Variants in KPNB1 observed in about 807,000 individuals in gnomAD.
KPNB1 encodes karyopherin subunit beta 1, also known as importin subunit beta-1.
In KPNB1, 7 loss-of-function variants were observed where a neutral mutation model predicts 113.0. That is an observed-to-expected ratio of 0.06 (90% CI 0.04 to 0.12). The LOEUF (loss-of-function observed/expected upper bound fraction) is 0.12. Ranked by LOEUF, KPNB1 falls within the 10% of genes least tolerant of loss-of-function variation. The pLI is 1.00. For missense variants in KPNB1, 400 were observed against 1,054.8 expected (o/e 0.38, Z 8.60); for synonymous variants, 363 against 378.6 (o/e 0.96, Z 0.48).
chr17:47,667,074 T>TA (rs1312120232), intron 9 of KPNB1, among the ~76,000 whole-genome samples: 1 of 152,174 alleles, frequency 6.6e-6, no homozygotes, highest in Admixed American at 6.5e-5. Flanking sequence ...TAAGAGGAGA[T>TA]ATTAGTGGAA....
intron 3 of KPNB1, among the ~76,000 whole-genome samples, chr17:47,655,036 G>A (rs1915680985): frequency 6.6e-6 from 1 of 152,190 alleles, no homozygotes; most frequent in Admixed American, 6.5e-5. Flanking sequence ...TACCGTATAA[G>A]AAGGAAAGGG....
At chr17:47,671,140 C>G (rs1012306908) in intron 12 of KPNB1, among the ~76,000 whole-genome samples, 8 of 152,128 alleles carry the variant, frequency 5.3e-5, no homozygotes, top group Non-Finnish European at 1.2e-4. Context: ...GCCTGTAGTC[C>G]TAGCTACTTG....
chr17:47,655,389 A>C (rs1164049684), intron 3 of KPNB1, among the ~76,000 whole-genome samples: 1 of 152,214 alleles, frequency 6.6e-6, no homozygotes, highest in African/African-American at 2.4e-5. Context: ...TCTGTCAGTG[A>C]TAGAACAGTT....
At chr17:47,679,987 G>A (rs144626647) in intron 19 of KPNB1, 33 bp from the exon 20 acceptor site, 11 of 1,466,876 alleles carry the variant, frequency 7.5e-6, no homozygotes, top group South Asian at 4.5e-5. Context: ...ATGAGCCACC[G>A]CACCCGACCA....
intron 9 of KPNB1, among the ~76,000 whole-genome samples, chr17:47,667,714 C>T (rs1254850616): frequency 6.6e-6 from 1 of 151,636 alleles, no homozygotes; most frequent in Non-Finnish European, 1.5e-5. Flanking sequence ...CGTGCCACCA[C>T]ACCCAGCTAA....
intron 5 of KPNB1, 83 bp downstream of exon 5, chr17:47,658,743 AG>A: frequency 7.8e-7 from 1 of 1,287,382 alleles, no homozygotes. Context: ...TGTTTTCTTA[AG>A]TTTATGGTTT....
Position 47,683,116 on chromosome 17 carries a change from A to AAAAAAAC in KPNB1, c.*715_*716insAAACAAA. ...AAAAAAAAAAAAAAAAAAAAAAAAA[A>AAAAAAAC]AAACACACACACAGAGGAAAGACGC... On this transcript the variant is annotated 3_prime_UTR_variant, in exon 22 of 22. Coordinates refer to ENST00000290158, the MANE Select transcript of KPNB1 (RefSeq NM_002265.6). The AAAAAAAC allele has an allele frequency of 6.8e-6, 1 of 147,804 alleles. No individual in the cohort carries two copies. The highest frequency in any genetic ancestry group is 2.5e-5 in the African/African-American group (1 of 40,482). The allele number at this position is 147,804 out of a possible 1,614,324, so 9.2% of individuals were successfully genotyped here.
At chr17:47,664,984 C>T (rs750863226) in intron 8 of KPNB1, 73 bp from the exon 9 acceptor site, 13 of 997,098 alleles carry the variant, frequency 1.3e-5, no homozygotes, top group South Asian at 2.6e-5. Flanking sequence ...GATCCCTGTT[C>T]GGCTCTCATT....
chr17:47,680,720 G>A, intron 21 of KPNB1, 51 bp downstream of exon 21: 3 of 1,563,908 alleles, frequency 1.9e-6, no homozygotes, highest in South Asian at 1.2e-5. Context: ...GGAGGAGGGG[G>A]GTATGTTTTC....
In KPNB1 at chr17:47,684,005, C is replaced by G. The variant is rs1310141317; in HGVS notation, c.*1601C>G. 1 of 152,114 alleles carries G rather than the reference C, an allele frequency of 6.6e-6. No individual in the cohort carries two copies. Among genetic ancestry groups the G allele is most frequent in the African/African-American group, 2.4e-5 (1 of 41,420 alleles). 9.4% of individuals were successfully genotyped at this position (152,114 alleles called of 1,614,324 possible). A position where few individuals can be genotyped will look rare whatever the true frequency, so the allele number is the denominator to read the frequency against. On this transcript the variant is annotated 3_prime_UTR_variant, in exon 22 of 22. Coordinates refer to ENST00000290158, the MANE Select transcript of KPNB1 (RefSeq NM_002265.6). Reference sequence around the variant, plus strand: ...AGGGATGTTGGTGAGCTTTGATCCTCTTTTGGTTTTGCAGTTGTTAGGAGT... The same window carrying G: ...AGGGATGTTGGTGAGCTTTGATCCTGTTTTGGTTTTGCAGTTGTTAGGAGT...
intron 11 of KPNB1, 69 bp downstream of exon 11, chr17:47,669,938 G>A: frequency 8.5e-7 from 1 of 1,171,232 alleles, no homozygotes; most frequent in Non-Finnish European, 1.3e-6. Flanking sequence ...AGAAGGTGTG[G>A]GAGAGAAATC....
intron 10 of KPNB1, 96 bp from the exon 11 acceptor site, chr17:47,669,582 G>A: frequency 1.2e-6 from 1 of 865,736 alleles, no homozygotes; most frequent in Non-Finnish European, 1.8e-6. Context: ...TGACTTTTTT[G>A]AGTTAAGCCA....
rs748387240 is a variant in KPNB1 at position 47,680,013 on chromosome 17, T to C, written c.2354-7T>C. On this transcript the variant is annotated splice_region_variant and splice_polypyrimidine_tract_variant and intron_variant, in intron 19 of 21. Transcript: ENST00000290158. ...CACCCGACCAATACCTTCTCTCTCT[T>C]TTATAGCGGATGTGATGCTGGTACA... 8 of 1,596,100 alleles carry C rather than the reference T, an allele frequency of 5.0e-6. No homozygotes were observed. The Admixed American group carries it at 1.0e-4, about 20-fold the overall frequency.
rs188607830 is a variant in KPNB1 at position 47,670,137 on chromosome 17, T to C, written c.1416+268T>C. On this transcript the variant is annotated intron_variant, in intron 11 of 21. Coordinates refer to ENST00000290158, the MANE Select transcript of KPNB1 (RefSeq NM_002265.6). ...GACTTGGGTTGCTTTCTTGAATTGC[T>C]TGGGGACAAGAAGTTTTGATTAAGG... 1.1e-4 allele frequency among the ~76,000 whole-genome samples: 17 copies of C among 152,286 alleles called. No homozygotes were observed. The East Asian group carries it at 2.9e-3, about 26-fold the overall frequency.
intron 3 of KPNB1, among the ~76,000 whole-genome samples, chr17:47,654,930 T>C (rs992813094): frequency 3.3e-5 from 5 of 152,206 alleles, no homozygotes; most frequent in African/African-American, 1.2e-4. Context: ...ATTCTAGCTC[T>C]GCTAGTCCTC....
intron 9 of KPNB1, 108 bp downstream of exon 9, chr17:47,665,266 T>A (rs1439266022): frequency 2.4e-6 from 2 of 824,432 alleles, no homozygotes; most frequent in Non-Finnish European, 4.1e-6. Flanking sequence ...TATTTGATGT[T>A]CTGTTGTTGA....
intron 12 of KPNB1, 54 bp downstream of exon 12, chr17:47,670,886 C>T: frequency 6.7e-7 from 1 of 1,490,834 alleles, no homozygotes; most frequent in Non-Finnish European, 9.3e-7. Flanking sequence ...GTTCTATTGC[C>T]TTCTGTGTGG....
intron 15 of KPNB1, 37 bp downstream of exon 15, chr17:47,674,819 T>G: frequency 6.3e-7 from 1 of 1,582,152 alleles, no homozygotes; most frequent in Non-Finnish European, 8.6e-7. Flanking sequence ...GGAATGTCTT[T>G]GGAATGTAGG....
intron 5 of KPNB1, 39 bp from the exon 6 acceptor site, chr17:47,661,080 A>G (rs367690029): frequency 1.3e-6 from 2 of 1,516,816 alleles, no homozygotes; most frequent in Non-Finnish European, 1.8e-6. Context: ...CGTACAGGTT[A>G]TGCTCTCCTA....
Sources: allele counts gnomAD v4.1 joint callset (sites outside exome capture counted in the v4.1 genomes callset), GRCh38; gene constraint gnomAD v4.1.1; transcripts MANE v1.5; gene names NCBI Gene and HGNC (gene_info 2026-07-23, HGNC 2026-07-21).